The following CRPPA variants were observed in gnomAD, a reference collection of about 807,000 sequenced individuals.
CRPPA encodes the protein CDP-L-ribitol pyrophosphorylase A.
In CRPPA, 43 loss-of-function variants were observed where a neutral mutation model predicts 52.0. The observed-to-expected ratio is 0.83, with a 90% CI of 0.65 to 1.07. CRPPA has a LOEUF of 1.07. Among genes scored for constraint, CRPPA ranks in the 50% least tolerant of loss-of-function variants. CRPPA has a pLI of 0.00. For synonymous variants in CRPPA, 250 were observed against 203.5 expected (o/e 1.23, Z -1.94); for missense variants, 629 against 551.7 (o/e 1.14, Z -1.40).
chr7:16,215,482 C>T (rs188204824), intron 9 of CRPPA, among the ~76,000 whole-genome samples: 3 of 152,274 alleles, frequency 2.0e-5, no homozygotes, highest in Non-Finnish European at 2.9e-5. Flanking sequence ...AACTAACATG[C>T]AGCTATTAAA....
intron 3 of CRPPA, among the ~76,000 whole-genome samples, chr7:16,327,693 C>A (rs1188137962): frequency 2.7e-5 from 4 of 150,182 alleles, no homozygotes; most frequent in Non-Finnish European, 5.9e-5. Context: ...GATATTCCTA[C>A]ATTCATACAT....
intron 5 of CRPPA, among the ~76,000 whole-genome samples, chr7:16,281,275 TC>T (rs1316721070): frequency 6.6e-6 from 1 of 151,046 alleles, no homozygotes; most frequent in Non-Finnish European, 1.5e-5. Context: ...ACCCCTTTCA[TC>T]TTTTGTTAGA....
At chr7:16,273,832 A>G (rs1329629938) in intron 6 of CRPPA, among the ~76,000 whole-genome samples, 1 of 152,156 alleles carries the variant, frequency 6.6e-6, no homozygotes, top group Non-Finnish European at 1.5e-5. Context: ...ATGGAGCTGC[A>G]TGAAGTTCTA....
intron 2 of CRPPA, among the ~76,000 whole-genome samples, chr7:16,400,044 CACA>C (rs1318768528): frequency 3.3e-5 from 5 of 152,118 alleles, no homozygotes; most frequent in African/African-American, 1.2e-4. Flanking sequence ...GTGACGAATA[CACA>C]ACACGTGATT....
chr7:16,190,671 G>A (rs1781591061), intron 9 of CRPPA, among the ~76,000 whole-genome samples: 1 of 152,044 alleles, frequency 6.6e-6, no homozygotes, highest in Non-Finnish European at 1.5e-5. Context: ...GGTTACATGA[G>A]TAAGTTCTTT....
chr7:16,211,678 A>T (rs1287768340), intron 9 of CRPPA, among the ~76,000 whole-genome samples: 1 of 152,222 alleles, frequency 6.6e-6, no homozygotes, highest in Non-Finnish European at 1.5e-5. Context: ...GTGGACACAG[A>T]GTAAATGCGG....
chr7:16,346,406 G>T (rs1164264920), intron 3 of CRPPA, among the ~76,000 whole-genome samples: 1 of 152,116 alleles, frequency 6.6e-6, no homozygotes, highest in African/African-American at 2.4e-5. Context: ...ATAAGGAAAA[G>T]AGCTGTGTCA....
At chr7:16,387,056 T>C (rs1475002597) in intron 2 of CRPPA, among the ~76,000 whole-genome samples, 1 of 69,266 alleles carries the variant, frequency 1.4e-5, no homozygotes, top group Admixed American at 1.4e-4. Flanking sequence ...TATATATATA[T>C]ATATATATAT....
chr7:16,243,600 T>C (rs967487169), intron 8 of CRPPA, among the ~76,000 whole-genome samples: 1 of 152,148 alleles, frequency 6.6e-6, no homozygotes, highest in Admixed American at 6.6e-5. Flanking sequence ...TCCAAAAATA[T>C]TTCTAATATC....
intron 8 of CRPPA, among the ~76,000 whole-genome samples, chr7:16,240,436 A>C (rs1287089518): frequency 6.6e-6 from 1 of 152,008 alleles, no homozygotes; most frequent in African/African-American, 2.4e-5. Flanking sequence ...AATTCAGTAT[A>C]TAATAAAGCT....
chr7:16,279,910 C>T (rs1031894226), intron 5 of CRPPA, among the ~76,000 whole-genome samples: 2 of 152,202 alleles, frequency 1.3e-5, no homozygotes, highest in East Asian at 3.8e-4. Flanking sequence ...ATTGGACTTA[C>T]AGTTCCATGT....
intron 9 of CRPPA, among the ~76,000 whole-genome samples, chr7:16,154,942 G>A (rs1000967310): frequency 6.6e-6 from 1 of 150,574 alleles, no homozygotes; most frequent in African/African-American, 2.4e-5. Flanking sequence ...CGAGTAGCTG[G>A]GACATGCACC....
At chr7:16,162,890 G>A (rs968431270) in intron 9 of CRPPA, among the ~76,000 whole-genome samples, 2 of 151,092 alleles carry the variant, frequency 1.3e-5, no homozygotes, top group African/African-American at 4.9e-5. Context: ...ATTTAGGAGA[G>A]TTAGCTCTTC....
At chr7:16,341,170 T>C (rs1391842295) in intron 3 of CRPPA, among the ~76,000 whole-genome samples, 1 of 152,224 alleles carries the variant, frequency 6.6e-6, no homozygotes, top group South Asian at 2.1e-4. Context: ...GGTAGATACA[T>C]GTCATTATAA....
intron 2 of CRPPA, among the ~76,000 whole-genome samples, chr7:16,377,782 G>C (rs901775210): frequency 6.6e-6 from 1 of 152,152 alleles, no homozygotes; most frequent in Non-Finnish European, 1.5e-5. Flanking sequence ...CAAGTTCCCA[G>C]TATGAAGGGC....
chr7:16,143,514 AC>A (rs938268682), intron 9 of CRPPA, among the ~76,000 whole-genome samples: 3 of 152,202 alleles, frequency 2.0e-5, no homozygotes, highest in Non-Finnish European at 2.9e-5. Context: ...CACTGCCTGT[AC>A]AACTGCTACT....
intron 3 of CRPPA, among the ~76,000 whole-genome samples, chr7:16,320,394 A>G (rs1785236171): frequency 6.6e-6 from 1 of 152,136 alleles, no homozygotes; most frequent in African/African-American, 2.4e-5. Context: ...TGTATATATA[A>G]TGCAATTATT....
chr7:16,153,410 G>A (rs28411022), intron 9 of CRPPA, among the ~76,000 whole-genome samples: 3,247 of 152,012 alleles, frequency 0.021, 117 homozygotes, highest in African/African-American at 0.074. Flanking sequence ...ATATATGATA[G>A]AGTATCAGTA....
chr7:16,193,653 G>C (rs1255936734), intron 9 of CRPPA, among the ~76,000 whole-genome samples: 2 of 151,948 alleles, frequency 1.3e-5, no homozygotes, highest in Non-Finnish European at 2.9e-5. Context: ...ATATAAAAGG[G>C]ATTAAATGTC....
Sources: gnomAD v4.1 joint callset for allele counts (sites outside exome capture counted in the v4.1 genomes callset) on GRCh38, gnomAD v4.1.1 for gene constraint, MANE v1.5 for transcripts, NCBI Gene and HGNC (gene_info 2026-07-23, HGNC 2026-07-21) for gene names.